TTC7B: variants seen among roughly 807,000 people sequenced by gnomAD.
TTC7B encodes the protein tetratricopeptide repeat protein 7B.
A neutral mutation model predicts 106.8 loss-of-function variants in TTC7B; 28 were observed. That is an observed-to-expected ratio of 0.26 (90% CI 0.19 to 0.36). The LOEUF (loss-of-function observed/expected upper bound fraction) is 0.36, where lower values mean the gene tolerates loss of function less well. Ranked by LOEUF, TTC7B falls within the 10% of genes least tolerant of loss-of-function variation. TTC7B has a pLI of 1.00. For synonymous variants in TTC7B, 405 were observed against 430.6 expected (o/e 0.94, Z 0.74); for missense variants, 862 against 1,076.4 (o/e 0.80, Z 2.79).
chr14:90,777,063 C>T (rs562389849), intron 3 of TTC7B, among the ~76,000 whole-genome samples: 20 of 152,062 alleles, frequency 1.3e-4, no homozygotes, highest in Non-Finnish European at 2.6e-4. Context: ...TGGTGAAACC[C>T]TGTCTCTACT....
intron 9 of TTC7B, among the ~76,000 whole-genome samples, chr14:90,660,992 G>C (rs1886182513): frequency 6.6e-6 from 1 of 152,196 alleles, no homozygotes; most frequent in African/African-American, 2.4e-5. Flanking sequence ...GGAGTGGCTG[G>C]GCGAGGCCTC....
At chr14:90,557,712 G>T (rs375162363) in intron 19 of TTC7B, among the ~76,000 whole-genome samples, 1 of 152,242 alleles carries the variant, frequency 6.6e-6, no homozygotes, top group African/African-American at 2.4e-5. Flanking sequence ...CGGGGGGAGA[G>T]GGGGAAGCGC....
At chr14:90,795,175 G>A (rs1891732494) in intron 1 of TTC7B, among the ~76,000 whole-genome samples, 1 of 151,964 alleles carries the variant, frequency 6.6e-6, no homozygotes, top group East Asian at 1.9e-4. Flanking sequence ...AGCCAAGAAA[G>A]AGTAATAGGG....
At chr14:90,732,886 C>T (rs1403612054) in intron 4 of TTC7B, among the ~76,000 whole-genome samples, 2 of 152,234 alleles carry the variant, frequency 1.3e-5, no homozygotes, top group East Asian at 3.9e-4. Context: ...TTGCTTCCTC[C>T]GAAGGGCCTT....
chr14:90,816,364 G>A lies in TTC7B; in HGVS notation c.-69C>T. The A allele has an allele frequency of 2.3e-6, 2 of 858,488 alleles. No homozygotes were observed. Among genetic ancestry groups the A allele is most frequent in the Non-Finnish European group, 2.8e-6 (2 of 717,672 alleles). The allele number at this position is 858,488 out of a possible 1,614,324, so 53.2% of individuals were successfully genotyped here. On this transcript the variant is annotated 5_prime_UTR_variant, in exon 1 of 20. Coordinates refer to ENST00000328459, the MANE Select transcript of TTC7B (RefSeq NM_001010854.2). ...GCCGCCGCCGCGGCGCCCCCTCGCC[G>A]CCTCCCGCCGCCGCCGCGGGCTCGG... is the stretch of plus-strand genomic sequence containing the variant.
At chr14:90,573,269 T>C (rs1345003937) in intron 19 of TTC7B, among the ~76,000 whole-genome samples, 3 of 152,182 alleles carry the variant, frequency 2.0e-5, no homozygotes, top group Non-Finnish European at 4.4e-5. Context: ...GACGCAGCAG[T>C]TCTCCTCCTT....
rs541416458 is a variant in TTC7B at position 90,610,937 on chromosome 14, T to C, written c.1869-98A>G. On this transcript the variant is annotated intron_variant, in intron 16 of 19. Coordinates refer to ENST00000328459, the MANE Select transcript of TTC7B (RefSeq NM_001010854.2). ...TGACTCCTGAAGGCCAATGAATACT[T>C]TCTGTGCATTTTTTACGTTCTTCAG... is the stretch of plus-strand genomic sequence containing the variant. 4.9e-6 allele frequency: 4 copies of C among 823,108 alleles called. No individual in the cohort carries two copies. The East Asian group carries it at 9.8e-5, about 20-fold the overall frequency. The allele number at this position is 823,108 out of a possible 1,614,324, so 51.0% of individuals were successfully genotyped here.
intron 19 of TTC7B, among the ~76,000 whole-genome samples, chr14:90,548,587 C>G (rs1304416282): frequency 2.6e-5 from 4 of 152,248 alleles, no homozygotes; most frequent in Non-Finnish European, 4.4e-5. Flanking sequence ...TCTGTTCCCC[C>G]ACTAGGCTTT....
At chr14:90,573,097 A>T (rs913542999) in intron 19 of TTC7B, among the ~76,000 whole-genome samples, 1 of 152,152 alleles carries the variant, frequency 6.6e-6, no homozygotes, top group African/African-American at 2.4e-5. Context: ...CAAAGGGCTG[A>T]TGGCTTTCTG....
intron 18 of TTC7B, among the ~76,000 whole-genome samples, chr14:90,589,080 G>T (rs940571787): frequency 6.6e-6 from 1 of 152,184 alleles, no homozygotes; most frequent in Non-Finnish European, 1.5e-5. Flanking sequence ...AAAGATCAAG[G>T]ATTCTGAGAA....
At chr14:90,770,502 C>T (rs1002014635) in intron 3 of TTC7B, among the ~76,000 whole-genome samples, 1 of 151,976 alleles carries the variant, frequency 6.6e-6, no homozygotes, top group Admixed American at 6.6e-5. Context: ...ACTAAAAATA[C>T]AAAATTAGCT....
intron 19 of TTC7B, among the ~76,000 whole-genome samples, chr14:90,554,509 G>A (rs997900255): frequency 5.3e-5 from 8 of 152,290 alleles, no homozygotes; most frequent in South Asian, 2.1e-4. Context: ...CTCGTTGAGC[G>A]CCTGTGGGTG....
intron 11 of TTC7B, 119 bp from the exon 12 acceptor site, chr14:90,655,229 A>G: frequency 1.4e-6 from 1 of 725,382 alleles, no homozygotes; most frequent in Non-Finnish European, 2.5e-6. Flanking sequence ...TGACTCTCAA[A>G]TCTCCCAATC....
At chr14:90,714,384 G>A (rs941180302) in intron 5 of TTC7B, among the ~76,000 whole-genome samples, 4 of 152,132 alleles carry the variant, frequency 2.6e-5, no homozygotes, top group African/African-American at 7.2e-5. Context: ...TTGACGAACA[G>A]GCACAAGGAA....
chr14:90,636,527 C>T (rs1289608471), intron 15 of TTC7B, among the ~76,000 whole-genome samples: 1 of 145,286 alleles, frequency 6.9e-6, no homozygotes, highest in Admixed American at 6.9e-5. Context: ...TCTATAAAAA[C>T]AAAAAAGCTC....
In TTC7B at chr14:90,687,517, G is replaced by A. The variant is rs111897285; in HGVS notation, c.950+2023C>T. Among the ~76,000 whole-genome samples the A allele has an allele frequency of 4.2e-3, 642 of 152,326 alleles. 6 individuals carry two copies. The highest frequency in any genetic ancestry group is 0.015 in the African/African-American group (609 of 41,562). ...GGCCATGTGTCAAAGTGGACTGGGG[G>A]AAGAGGGTGAGAATGGAGGTCCTTA... On this transcript the variant is annotated intron_variant, in intron 7 of 19. Transcript: ENST00000328459.
chr14:90,652,889 C>T lies in TTC7B; in HGVS notation c.1469G>A (p.Arg490Gln). The part of the protein sequence containing the change: ...YSLQATDASL[R>Q]GMQEVLQRKA... ...TCTCTGTAGGACCTCCTGCATCCCT[C>T]GCAAAGAAGCTAAGAAAAGGGTTCA... Residue 490 changes from arginine to glutamine, a missense_variant, in exon 13 of 20, where the codon CGA becomes CAA. Arg to Gln is a conservative substitution (Grantham distance 43). Transcript: ENST00000328459. 1.2e-6 allele frequency: 2 copies of T among 1,614,174 alleles called. No homozygotes were observed. Among genetic ancestry groups the T allele is most frequent in the Admixed American group, 1.7e-5 (1 of 60,026 alleles).
intron 8 of TTC7B, among the ~76,000 whole-genome samples, chr14:90,677,379 A>G (rs1258020368): frequency 2.6e-5 from 4 of 152,222 alleles, no homozygotes; most frequent in Non-Finnish European, 5.9e-5. Flanking sequence ...AGGCACATTC[A>G]AACTTATTAA....
chr14:90,559,023 G>A (rs1322359970), intron 19 of TTC7B, among the ~76,000 whole-genome samples: 1 of 152,182 alleles, frequency 6.6e-6, no homozygotes, highest in Non-Finnish European at 1.5e-5. Context: ...TCACACAACT[G>A]AGCTCTTATC....
Sources: gnomAD v4.1 joint callset for allele counts (sites outside exome capture counted in the v4.1 genomes callset) on GRCh38, gnomAD v4.1.1 for gene constraint, MANE v1.5 for transcripts, NCBI Gene and HGNC (gene_info 2026-07-23, HGNC 2026-07-21) for gene names.